Variants in DIP2B observed in about 807,000 individuals in gnomAD.
The protein encoded by DIP2B is disco-interacting protein 2 homolog B.
In DIP2B, 76 loss-of-function variants were observed where a neutral mutation model predicts 198.0. That is an observed-to-expected ratio of 0.38 (90% CI 0.32 to 0.46). The LOEUF is 0.46. Among genes scored for constraint, DIP2B ranks in the 20% least tolerant of loss-of-function variants. The pLI, the probability that DIP2B is intolerant of heterozygous loss-of-function variation, is 0.99. For missense variants in DIP2B, 1,559 were observed against 1,978.4 expected, an observed-to-expected ratio of 0.79 and a Z score of 4.02; for synonymous variants, 701 against 739.1, an observed-to-expected ratio of 0.95 and a Z score of 0.84.
intron 7 of DIP2B, among the ~76,000 whole-genome samples, chr12:50,675,850 A>G (rs549051300): frequency 6.6e-6 from 1 of 152,314 alleles, no homozygotes; most frequent in South Asian, 2.1e-4. Context: ...TCAACCAATC[A>G]ATACATATTT....
chr12:50,707,367 A>G (rs1047817039), intron 21 of DIP2B, among the ~76,000 whole-genome samples: 2 of 152,164 alleles, frequency 1.3e-5, no homozygotes, highest in Non-Finnish European at 2.9e-5. Context: ...TCCATGGGGC[A>G]CTAGATCTGC....
In DIP2B at chr12:50,659,989, C is replaced by T. The variant is rs185969765; in HGVS notation, c.302-205C>T. Among the ~76,000 whole-genome samples, 394 of 152,064 alleles carry T rather than the reference C, an allele frequency of 2.6e-3. 1 individual carries two copies. The highest frequency in any genetic ancestry group is 4.5e-3 in the Non-Finnish European group (303 of 67,978). ...CATTCTGGACTTCATTTTCCTCCTCCGTAAAATTATCCCTGGCTTCTTTTA... is the reference window on the plus strand; with the variant it reads ...CATTCTGGACTTCATTTTCCTCCTCTGTAAAATTATCCCTGGCTTCTTTTA... On this transcript the variant is annotated intron_variant, in intron 3 of 37. Coordinates refer to ENST00000301180, the MANE Select transcript of DIP2B (RefSeq NM_173602.3).
intron 4 of DIP2B, among the ~76,000 whole-genome samples, chr12:50,669,903 C>T (rs1938820474): frequency 6.6e-6 from 1 of 152,162 alleles, no homozygotes; most frequent in African/African-American, 2.4e-5. Context: ...CTGAGTTAGA[C>T]GGAAAGGGTT....
chr12:50,674,507 C>T lies in DIP2B; in HGVS notation c.674C>T (p.Thr225Ile), dbSNP rs1451617833. Residue 225 changes from threonine to isoleucine, a missense_variant, in exon 6 of 38, where the codon ACT becomes ATT. By Grantham distance (89) the Thr-to-Ile change is moderately conservative. Transcript: ENST00000301180. ...NFSAPPDVTT[T>I]TSSSSSSSSI... ...TCTGCTCCTCCTGATGTCACTACAA[C>T]TACCTCTTCCTCCTCATCATCTTCC... is the stretch of plus-strand genomic sequence containing the variant. 3 of 1,614,122 alleles carry T rather than the reference C, an allele frequency of 1.9e-6. No individual in the cohort carries two copies. Among genetic ancestry groups the T allele is most frequent in the Non-Finnish European group, 2.5e-6 (3 of 1,180,040 alleles).
chr12:50,640,401 C>G (rs895938083), intron 2 of DIP2B, among the ~76,000 whole-genome samples: 12 of 152,002 alleles, frequency 7.9e-5, no homozygotes, highest in African/African-American at 2.9e-4. Context: ...CGTTGTCTCA[C>G]TGTTTAGGAT....
intron 3 of DIP2B, chr12:50,657,022 A>AT (rs1349289964): frequency 1.3e-5 from 2 of 152,176 alleles, no homozygotes; most frequent in African/African-American, 4.8e-5. Flanking sequence ...TACAGGGAAG[A>AT]TTAACATGGC....
chr12:50,710,897 C>A (rs1177688603), intron 22 of DIP2B, among the ~76,000 whole-genome samples: 1 of 152,160 alleles, frequency 6.6e-6, no homozygotes, highest in Non-Finnish European at 1.5e-5. Context: ...TGAAAGATGG[C>A]TAAGGGGCAG....
chr12:50,639,344 C>T lies in DIP2B; in HGVS notation c.173-1380C>T, dbSNP rs184182738. Among the ~76,000 whole-genome samples the T allele has an allele frequency of 4.6e-5, 7 of 152,304 alleles. No individual in the cohort carries two copies. The East Asian group carries it at 1.4e-3, about 29-fold the overall frequency. Reference sequence around the variant, plus strand: ...CACCTAGTAGATGGGCTGCTCTGGACAGTCCAAGATGGCTCATTCACATGT... The same window carrying T: ...CACCTAGTAGATGGGCTGCTCTGGATAGTCCAAGATGGCTCATTCACATGT... On this transcript the variant is annotated intron_variant, in intron 2 of 37. Coordinates refer to ENST00000301180, the MANE Select transcript of DIP2B (RefSeq NM_173602.3).
intron 25 of DIP2B, 39 bp downstream of exon 25, chr12:50,719,074 C>G (rs770339832): frequency 6.3e-7 from 1 of 1,597,750 alleles, no homozygotes. Context: ...CAGCTGACTA[C>G]TATAGGACCA....
At chr12:50,636,880 C>A (rs1025579242) in intron 2 of DIP2B, among the ~76,000 whole-genome samples, 1 of 152,192 alleles carries the variant, frequency 6.6e-6, no homozygotes, top group Non-Finnish European at 1.5e-5. Flanking sequence ...GAGCTCCCAA[C>A]CCGCTCTCCT....
At chr12:50,647,694 ATCTG>A (rs1276329244) in intron 3 of DIP2B, among the ~76,000 whole-genome samples, 6 of 152,164 alleles carry the variant, frequency 3.9e-5, no homozygotes, top group Admixed American at 6.5e-5. Flanking sequence ...CTCTGTCCCT[ATCTG>A]TCTGTCTATG....
At chr12:50,678,385 A>G (rs1191296678) in intron 7 of DIP2B, among the ~76,000 whole-genome samples, 1 of 152,182 alleles carries the variant, frequency 6.6e-6, no homozygotes, top group Non-Finnish European at 1.5e-5. Flanking sequence ...TTTGCTAAAA[A>G]TTGTGAAATT....
chr12:50,544,778 C>T (rs978134950), intron 1 of DIP2B, among the ~76,000 whole-genome samples: 1 of 151,826 alleles, frequency 6.6e-6, no homozygotes, highest in Admixed American at 6.6e-5. Flanking sequence ...CCACCACGCC[C>T]GGCTAATTTT....
intron 3 of DIP2B, among the ~76,000 whole-genome samples, chr12:50,653,139 A>G (rs1938487675): frequency 6.6e-6 from 1 of 151,966 alleles, no homozygotes; most frequent in Admixed American, 6.6e-5. Context: ...TGAAGCTGTC[A>G]GGTCCTGGGC....
chr12:50,677,228 T>C (rs947597645), intron 7 of DIP2B, among the ~76,000 whole-genome samples: 8 of 152,170 alleles, frequency 5.3e-5, no homozygotes, highest in African/African-American at 1.9e-4. Flanking sequence ...CTGCTCATGT[T>C]GTCCTAGCCT....
intron 1 of DIP2B, among the ~76,000 whole-genome samples, chr12:50,582,383 C>G (rs1449909108): frequency 6.6e-6 from 1 of 152,040 alleles, no homozygotes; most frequent in Non-Finnish European, 1.5e-5. Flanking sequence ...CTCCTGACTT[C>G]AGGCGATTTG....
chr12:50,571,098 G>A (rs1032377850), intron 1 of DIP2B, among the ~76,000 whole-genome samples: 3 of 151,820 alleles, frequency 2.0e-5, no homozygotes, highest in African/African-American at 4.8e-5. Context: ...CCATCGCAAT[G>A]TAGTGGAGGG....
chr12:50,736,933 T>C (rs1468158519), intron 34 of DIP2B, 103 bp from the exon 35 acceptor site: 9 of 1,092,190 alleles, frequency 8.2e-6, no homozygotes, highest in Middle Eastern at 2.0e-4. Flanking sequence ...TGGCTCGCCA[T>C]GTGTGCCTCT....
chr12:50,608,354 G>A (rs903264780), intron 1 of DIP2B, among the ~76,000 whole-genome samples: 1 of 152,094 alleles, frequency 6.6e-6, no homozygotes, highest in Non-Finnish European at 1.5e-5. Context: ...AGGTGCGGTG[G>A]GTCACACCTG....
Sources: allele counts gnomAD v4.1 joint callset (sites outside exome capture counted in the v4.1 genomes callset), GRCh38; gene constraint gnomAD v4.1.1; transcripts MANE v1.5; gene names NCBI Gene and HGNC (gene_info 2026-07-23, HGNC 2026-07-21).